Variants in FRMD4A observed in about 807,000 individuals in gnomAD.
The protein encoded by FRMD4A is FERM domain-containing protein 4A.
In FRMD4A, 29 loss-of-function variants were observed where a neutral mutation model predicts 129.1. That is an observed-to-expected ratio of 0.22 (90% CI 0.17 to 0.31). The LOEUF (loss-of-function observed/expected upper bound fraction) is 0.31. Ranked by LOEUF, FRMD4A falls within the 10% of genes least tolerant of loss-of-function variation. FRMD4A has a pLI of 1.00. For synonymous variants in FRMD4A, 634 were observed against 571.6 expected, an observed-to-expected ratio of 1.11 and a Z score of -1.56; for missense variants, 1,272 against 1,375.8, an observed-to-expected ratio of 0.92 and a Z score of 1.19.
intron 2 of FRMD4A, among the ~76,000 whole-genome samples, chr10:14,247,296 G>T (rs1387261183): frequency 2.0e-5 from 3 of 152,092 alleles, no homozygotes; most frequent in Non-Finnish European, 4.4e-5. Context: ...CAGCCCAGAT[G>T]GTCCTCACTG....
At chr10:14,090,226 G>A (rs1431208161) in intron 2 of FRMD4A, among the ~76,000 whole-genome samples, 1 of 152,208 alleles carries the variant, frequency 6.6e-6, no homozygotes, top group African/African-American at 2.4e-5. Flanking sequence ...CAGGCCGACC[G>A]CTGCACGGGA....
chr10:13,883,024 G>A (rs1418024346), intron 2 of FRMD4A, among the ~76,000 whole-genome samples: 2 of 151,730 alleles, frequency 1.3e-5, no homozygotes, highest in Admixed American at 6.6e-5. Context: ...GGCTGGTCTC[G>A]AACTTCTGTC....
intron 15 of FRMD4A, among the ~76,000 whole-genome samples, chr10:13,691,133 G>A (rs1239290208): frequency 9.9e-5 from 15 of 152,172 alleles, no homozygotes; most frequent in African/African-American, 3.6e-4. Flanking sequence ...GATTACAGGT[G>A]TGCACCACCA....
intron 2 of FRMD4A, among the ~76,000 whole-genome samples, chr10:13,947,267 C>G (rs937906705): frequency 1.3e-5 from 2 of 152,130 alleles, no homozygotes; most frequent in African/African-American, 4.8e-5. Flanking sequence ...GAGATATTAG[C>G]ACTCTCTATA....
chr10:14,289,962 A>G (rs1845800473), intron 2 of FRMD4A, among the ~76,000 whole-genome samples: 1 of 152,064 alleles, frequency 6.6e-6, no homozygotes, highest in African/African-American at 2.4e-5. Context: ...TACATTAATG[A>G]TGAACTATAT....
At chr10:14,075,689 C>T (rs942813845) in intron 2 of FRMD4A, among the ~76,000 whole-genome samples, 3 of 152,078 alleles carry the variant, frequency 2.0e-5, no homozygotes, top group South Asian at 2.1e-4. Context: ...TATGTGTATA[C>T]CTTTATATCC....
intron 2 of FRMD4A, among the ~76,000 whole-genome samples, chr10:14,163,775 C>T (rs1841027897): frequency 6.6e-6 from 1 of 152,212 alleles, no homozygotes; most frequent in Non-Finnish European, 1.5e-5. Context: ...TAAACGGCTA[C>T]ATGTTTGAGA....
At chr10:13,799,253 G>T (rs894536583) in intron 4 of FRMD4A, among the ~76,000 whole-genome samples, 4 of 152,208 alleles carry the variant, frequency 2.6e-5, no homozygotes, top group Non-Finnish European at 4.4e-5. Flanking sequence ...CGCCCTCCGG[G>T]TTCAAGTAAT....
At chr10:13,676,077 G>A (rs2083957272) in intron 15 of FRMD4A, 1 of 151,938 alleles carries the variant, frequency 6.6e-6, no homozygotes, top group Admixed American at 6.5e-5. Context: ...CAAACCAAAG[G>A]AAAATAAGCT....
chr10:13,997,614 C>G (rs1314956388), intron 2 of FRMD4A, among the ~76,000 whole-genome samples: 2 of 129,512 alleles, frequency 1.5e-5, no homozygotes, highest in Admixed American at 8.3e-5. Context: ...CAATTCTTTT[C>G]TTTTCTTTTC....
chr10:14,148,454 T>C (rs1840184204), intron 2 of FRMD4A, among the ~76,000 whole-genome samples: 1 of 152,188 alleles, frequency 6.6e-6, no homozygotes, highest in South Asian at 2.1e-4. Flanking sequence ...AAAACCCTTT[T>C]GGTTGTTGTT....
chr10:14,281,581 C>T (rs1185401773), intron 2 of FRMD4A, among the ~76,000 whole-genome samples: 1 of 152,216 alleles, frequency 6.6e-6, no homozygotes, highest in Non-Finnish European at 1.5e-5. Flanking sequence ...GTAAAAGATA[C>T]ACATCATAAA....
intron 12 of FRMD4A, among the ~76,000 whole-genome samples, chr10:13,720,161 G>T (rs1236073011): frequency 6.6e-6 from 1 of 152,188 alleles, no homozygotes; most frequent in Non-Finnish European, 1.5e-5. Context: ...CAATTCTCCT[G>T]CCTCAGCCTC....
At chr10:14,203,577 G>A (rs745617852) in intron 2 of FRMD4A, among the ~76,000 whole-genome samples, 4 of 152,136 alleles carry the variant, frequency 2.6e-5, no homozygotes, top group Non-Finnish European at 4.4e-5. Flanking sequence ...ACATTAACTC[G>A]GCTAAATTTG....
chr10:13,713,779 A>AAT (rs2088288483), intron 12 of FRMD4A, among the ~76,000 whole-genome samples: 1 of 138,068 alleles, frequency 7.2e-6, no homozygotes, highest in South Asian at 2.1e-4. Flanking sequence ...ACATATATAT[A>AAT]ATATATATAC....
intron 2 of FRMD4A, among the ~76,000 whole-genome samples, chr10:14,305,388 T>C (rs548640531): frequency 1.1e-4 from 17 of 152,262 alleles, no homozygotes; most frequent in Admixed American, 1.1e-3. Flanking sequence ...AGATTATATA[T>C]CTAAGAAATA....
intron 2 of FRMD4A, among the ~76,000 whole-genome samples, chr10:14,228,988 C>G (rs972182510): frequency 6.6e-6 from 1 of 152,088 alleles, no homozygotes; most frequent in Admixed American, 6.6e-5. Flanking sequence ...ATATGCCCCA[C>G]GGTCTAACAC....
At chr10:13,746,091 G>T (rs1486681026) in intron 9 of FRMD4A, among the ~76,000 whole-genome samples, 2 of 152,190 alleles carry the variant, frequency 1.3e-5, no homozygotes, top group Admixed American at 1.3e-4. Flanking sequence ...CAATAAAACA[G>T]CTCAGAGAGA....
intron 2 of FRMD4A, among the ~76,000 whole-genome samples, chr10:13,894,377 AC>A (rs1564991172): frequency 6.6e-6 from 1 of 151,612 alleles, no homozygotes; most frequent in Non-Finnish European, 1.5e-5. Flanking sequence ...GGCTATAAGG[AC>A]CCCCTGGTCA....
Sources: allele counts gnomAD v4.1 joint callset (sites outside exome capture counted in the v4.1 genomes callset), GRCh38; gene constraint gnomAD v4.1.1; transcripts MANE v1.5; gene names NCBI Gene and HGNC (gene_info 2026-07-23, HGNC 2026-07-21).